Variants in EVI5 observed in about 807,000 individuals in gnomAD.
EVI5 encodes the protein ecotropic viral integration site 5 protein homolog.
EVI5 carries 73 observed loss-of-function variants against 112.0 expected under a neutral mutation model. That is an observed-to-expected ratio of 0.65 (90% CI 0.54 to 0.79). The LOEUF is 0.79. Ranked by LOEUF, EVI5 falls within the 30% of genes least tolerant of loss-of-function variation. The pLI, the probability that EVI5 is intolerant of heterozygous loss-of-function variation, is 0.00. For synonymous variants in EVI5, 305 were observed against 319.9 expected (o/e 0.95, Z 0.50); for missense variants, 900 against 968.8 (o/e 0.93, Z 0.94).
chr1:92,560,022 AC>A (rs1424328765), intron 19 of EVI5, among the ~76,000 whole-genome samples: 2 of 152,326 alleles, frequency 1.3e-5, no homozygotes, highest in East Asian at 3.9e-4. Flanking sequence ...AATAAGAAAG[AC>A]TGACAATTCC....
At chr1:92,543,979 CATT>C (rs1665263769) in intron 19 of EVI5, among the ~76,000 whole-genome samples, 1 of 152,150 alleles carries the variant, frequency 6.6e-6, no homozygotes, top group Non-Finnish European at 1.5e-5. Context: ...TACAGTAGAA[CATT>C]ATTAGGTGAC....
intron 1 of EVI5, chr1:92,756,258 T>C (rs1323409523): frequency 1.9e-5 from 8 of 430,180 alleles, no homozygotes; most frequent in Middle Eastern, 4.6e-4. Context: ...GCCCATTTCA[T>C]TGAATTTGTT....
chr1:92,579,084 A>T (rs1048025425), intron 18 of EVI5, among the ~76,000 whole-genome samples: 1 of 152,210 alleles, frequency 6.6e-6, no homozygotes, highest in African/African-American at 2.4e-5. Flanking sequence ...TTTTCTAAAA[A>T]TGCAGTACTT....
At chr1:92,550,844 A>C (rs2100754681) in intron 19 of EVI5, among the ~76,000 whole-genome samples, 1 of 126,878 alleles carries the variant, frequency 7.9e-6, no homozygotes, top group East Asian at 2.4e-4. Flanking sequence ...TATTCAATTA[A>C]CTTAAAATAT....
chr1:92,697,599 T>A (rs1016099368), intron 6 of EVI5, among the ~76,000 whole-genome samples: 2 of 152,168 alleles, frequency 1.3e-5, no homozygotes, highest in Non-Finnish European at 2.9e-5. Context: ...ATTCATGTGC[T>A]TAGGTAAGGG....
At chr1:92,640,365 A>G (rs973685702) in intron 13 of EVI5, among the ~76,000 whole-genome samples, 3 of 152,202 alleles carry the variant, frequency 2.0e-5, no homozygotes, top group Admixed American at 1.3e-4. Flanking sequence ...CCCATCTGAC[A>G]AAGGTCTAAA....
chr1:92,534,645 A>C (rs1663516763), intron 19 of EVI5, among the ~76,000 whole-genome samples: 1 of 152,208 alleles, frequency 6.6e-6, no homozygotes, highest in Non-Finnish European at 1.5e-5. Flanking sequence ...CAACCATGTG[A>C]TCTTTGACAA....
intron 1 of EVI5, among the ~76,000 whole-genome samples, chr1:92,751,212 A>T (rs1341054682): frequency 6.6e-6 from 1 of 152,262 alleles, no homozygotes; most frequent in Non-Finnish European, 1.5e-5. Flanking sequence ...TGTATGCATT[A>T]ACATGACTAT....
chr1:92,698,451 T>C lies in EVI5; in HGVS notation c.640-466A>G, dbSNP rs184329719. On this transcript the variant is annotated intron_variant, in intron 5 of 19. Transcript: ENST00000684568. ...CTGGGGAGACACACGGCTATTGATA[T>C]AGATCAGGAAAGGTCCCCTGATACG... is the stretch of plus-strand genomic sequence containing the variant. 2.0e-5 allele frequency among the ~76,000 whole-genome samples: 3 copies of C among 152,278 alleles called. No individual in the cohort carries two copies. In the East Asian group the frequency reaches 5.8e-4, roughly 29 times the overall value.
chr1:92,753,470 A>G (rs1680493906), intron 1 of EVI5, among the ~76,000 whole-genome samples: 1 of 152,256 alleles, frequency 6.6e-6, no homozygotes, highest in African/African-American at 2.4e-5. Context: ...AACAAATGAA[A>G]TTATATTTTT....
intron 1 of EVI5, among the ~76,000 whole-genome samples, chr1:92,746,444 G>T (rs1235691174): frequency 3.9e-5 from 6 of 152,122 alleles, no homozygotes; most frequent in African/African-American, 1.4e-4. Flanking sequence ...GTACTGTACT[G>T]GCTGGGCACA....
rs1247397798 is a variant in EVI5 at position 92,625,289 on chromosome 1, T to C, written c.1668+505A>G. On this transcript the variant is annotated intron_variant, in intron 15 of 19. Coordinates refer to ENST00000684568, the MANE Select transcript of EVI5 (RefSeq NM_001350197.2). ...AAGGCATGACAATGTCAAGGCCTAA[T>C]TTCGGTCCTTATATAGAATATGTAT... Among the ~76,000 whole-genome samples the C allele has an allele frequency of 2.0e-5, 3 of 152,218 alleles. No individual in the cohort carries two copies. The East Asian group carries it at 5.8e-4, about 29-fold the overall frequency.
At chr1:92,548,607 A>T (rs1274698908) in intron 19 of EVI5, among the ~76,000 whole-genome samples, 1 of 152,220 alleles carries the variant, frequency 6.6e-6, no homozygotes, top group Non-Finnish European at 1.5e-5. Context: ...CCATCGTCTC[A>T]GCCCAAAATC....
In EVI5 at chr1:92,769,907, T is replaced by C. The variant is rs541322159; in HGVS notation, c.-82+14929A>G. Among the ~76,000 whole-genome samples, 22 of 152,018 alleles carry C rather than the reference T, an allele frequency of 1.4e-4. No homozygotes were observed. The East Asian group carries it at 4.1e-3, about 28-fold the overall frequency. On this transcript the variant is annotated intron_variant, in intron 1 of 19. Transcript: ENST00000684568. Reference sequence around the variant, plus strand: ...CATCTCAACAACAAAAAAAAGATCATGAGAAGGGAGGTTATCTTGAATTAT... The same window carrying C: ...CATCTCAACAACAAAAAAAAGATCACGAGAAGGGAGGTTATCTTGAATTAT...
At chr1:92,699,839 A>T (rs1339787769) in intron 5 of EVI5, among the ~76,000 whole-genome samples, 2 of 152,188 alleles carry the variant, frequency 1.3e-5, no homozygotes, top group Non-Finnish European at 2.9e-5. Context: ...CCAAAATGTC[A>T]TTATGCAGTA....
intron 2 of EVI5, among the ~76,000 whole-genome samples, chr1:92,721,118 G>A (rs1369936972): frequency 6.6e-6 from 1 of 152,186 alleles, no homozygotes; most frequent in Non-Finnish European, 1.5e-5. Flanking sequence ...AGACAGTGTG[G>A]CAATTCCTCA....
intron 19 of EVI5, among the ~76,000 whole-genome samples, chr1:92,561,633 CTAT>C (rs1668630891): frequency 6.8e-6 from 1 of 146,830 alleles, no homozygotes; most frequent in Admixed American, 7.0e-5. Context: ...ATCTATCTAT[CTAT>C]CTATCTATCT....
At chr1:92,687,627 T>G (rs1265682704) in intron 9 of EVI5, among the ~76,000 whole-genome samples, 3 of 152,252 alleles carry the variant, frequency 2.0e-5, no homozygotes, top group Admixed American at 2.0e-4. Context: ...GAGAAAATCT[T>G]TGCAATCTAC....
chr1:92,592,326 T>C (rs1274216141), intron 18 of EVI5, among the ~76,000 whole-genome samples: 1 of 152,126 alleles, frequency 6.6e-6, no homozygotes, highest in Non-Finnish European at 1.5e-5. Flanking sequence ...GACTACTGGG[T>C]ACATAATGAA....
Sources: gnomAD v4.1 joint callset for allele counts (sites outside exome capture counted in the v4.1 genomes callset) on GRCh38, gnomAD v4.1.1 for gene constraint, MANE v1.5 for transcripts, NCBI Gene and HGNC (gene_info 2026-07-23, HGNC 2026-07-21) for gene names.